The following STAT5B variants were observed in gnomAD, a reference collection of about 807,000 sequenced individuals.
The protein encoded by STAT5B is signal transducer and activator of transcription 5B, also known as transcription factor STAT5B.
A neutral mutation model predicts 107.8 loss-of-function variants in STAT5B; 21 were observed. The ratio of observed to expected loss-of-function variants is 0.19; its 90% CI spans 0.14 to 0.28. The LOEUF is 0.28. Among genes scored for constraint, STAT5B ranks in the 10% least tolerant of loss-of-function variants. The pLI, the probability that STAT5B is intolerant of heterozygous loss-of-function variation, is 1.00. For synonymous variants in STAT5B, 325 were observed against 401.7 expected, an observed-to-expected ratio of 0.81 and a Z score of 2.28; for missense variants, 565 against 1,008.2, an observed-to-expected ratio of 0.56 and a Z score of 5.95.
chr17:42,260,560 C>A (rs1290271798), intron 1 of STAT5B, among the ~76,000 whole-genome samples: 2 of 151,934 alleles, frequency 1.3e-5, no homozygotes, highest in Non-Finnish European at 2.9e-5. Context: ...AGGTGCACAT[C>A]ACCATGCCTA....
chr17:42,213,813 G>A (rs2080149122), intron 12 of STAT5B, among the ~76,000 whole-genome samples: 1 of 150,144 alleles, frequency 6.7e-6, no homozygotes, highest in Non-Finnish European at 1.5e-5. Context: ...ACAGGTGTGA[G>A]CCACCGTGCC....
intron 9 of STAT5B, chr17:42,217,947 C>A: frequency 1.3e-6 from 1 of 793,274 alleles, no homozygotes. Context: ...CTCAGGTGAT[C>A]TGCCCACCTC....
chr17:42,233,007 A>G (rs1019922863), intron 1 of STAT5B, among the ~76,000 whole-genome samples: 14 of 151,852 alleles, frequency 9.2e-5, no homozygotes, highest in African/African-American at 3.4e-4. Context: ...GCACCCAGCT[A>G]ATTTTTGTAT....
rs373036522 is a variant in STAT5B, at chr17:42,212,113, G to T, written c.1551C>A (p.Ala517=). ...TCAGGCCCCGGTTGCTCTGCACTTC[G>T]GCCTTGAATTTCATGTTGAGCGCCT... The part of the protein sequence containing the change: ...LCEALNMKFK[A]EVQSNRGLTK... The change falls in exon 13 of 19, where the codon GCC becomes GCA. Residue 517 remains alanine (A), a synonymous_variant. Coordinates refer to ENST00000293328, the MANE Select transcript of STAT5B (RefSeq NM_012448.4). 7 of 1,614,082 alleles carry T rather than the reference G, an allele frequency of 4.3e-6. No homozygotes were observed. The highest frequency in any genetic ancestry group is 5.1e-6 in the Non-Finnish European group (6 of 1,180,008).
In STAT5B at chr17:42,232,002, T is replaced by C; in HGVS notation, c.126A>G (p.Ala42=). Residue 42 remains alanine (A), a splice_region_variant and synonymous_variant, in exon 2 of 19, where the codon GCA becomes GCG. Coordinates refer to ENST00000293328, the MANE Select transcript of STAT5B (RefSeq NM_012448.4). ...HYLSQWIESQ[A]WDSVDLDNPQ... is the part of the protein sequence containing the mutation. ...TGCAAACATCCTTGTTCACCTACCATGCTTGGCTTTCAATCCACTGGGATA... is the reference window on the plus strand; with the variant it reads ...TGCAAACATCCTTGTTCACCTACCACGCTTGGCTTTCAATCCACTGGGATA... The C allele has an allele frequency of 6.2e-7, 1 of 1,613,912 alleles. No homozygotes were observed. Among genetic ancestry groups the C allele is most frequent in the Non-Finnish European group, 8.5e-7 (1 of 1,179,844 alleles).
rs867702874 is a variant in STAT5B at position 42,265,403 on chromosome 17, G to A, written c.-11+10845C>T. Among the ~76,000 whole-genome samples the A allele has an allele frequency of 1.1e-3, 83 of 77,224 alleles. 1 individual carries two copies. The highest frequency in any genetic ancestry group is 2.6e-3 in the South Asian group (5 of 1,902). 50.7% of individuals were successfully genotyped at this position (77,224 alleles called of 152,430 possible). On this transcript the variant is annotated intron_variant, in intron 1 of 18. Transcript: ENST00000293328. ...TTTTTTTTTTTTGAGACGAAGTCTCGCTCTGTCACCAGGCTGGAGTGCAGT... is the reference window on the plus strand; with the variant it reads ...TTTTTTTTTTTTGAGACGAAGTCTCACTCTGTCACCAGGCTGGAGTGCAGT...
At chr17:42,277,496 G>A (rs765767648), upstream of STAT5B, among the ~76,000 whole-genome samples, 53 of 152,214 alleles carry the variant, frequency 3.5e-4, no homozygotes, top group Non-Finnish European at 6.0e-4. Context: ...AGCCACAAAG[G>A]TCTCCAGCTG....
intron 1 of STAT5B, among the ~76,000 whole-genome samples, chr17:42,252,269 G>A (rs573745874): frequency 6.6e-6 from 1 of 152,246 alleles, no homozygotes; most frequent in Non-Finnish European, 1.5e-5. Context: ...GGTAGAAATA[G>A]AATCAGTACA....
chr17:42,246,423 T>A (rs1234541040), intron 1 of STAT5B, among the ~76,000 whole-genome samples: 2 of 152,162 alleles, frequency 1.3e-5, no homozygotes, highest in Admixed American at 1.3e-4. Context: ...AAAATGCAAT[T>A]CTTTCACTTT....
intron 1 of STAT5B, among the ~76,000 whole-genome samples, chr17:42,236,414 A>G (rs919520419): frequency 6.6e-6 from 1 of 152,236 alleles, no homozygotes; most frequent in Admixed American, 6.5e-5. Context: ...AGTTACGTGA[A>G]TAACACCTAG....
At position 42,217,148 on chromosome 17, in the gene STAT5B, G is replaced by A. The variant is rs2080178855; in HGVS notation, c.1380+12C>T. The A allele has an allele frequency of 6.2e-7, 1 of 1,608,698 alleles. No homozygotes were observed. ...ACGCACACGCACACGCAGAGCTGAG[G>A]GAAGGCTTTACCTTGACTTGAAAAA... On this transcript the variant is annotated intron_variant, in intron 11 of 18. Transcript: ENST00000293328.
intron 1 of STAT5B, among the ~76,000 whole-genome samples, chr17:42,250,447 G>A (rs1390725034): frequency 6.6e-6 from 1 of 152,118 alleles, no homozygotes; most frequent in Non-Finnish European, 1.5e-5. Flanking sequence ...TCATTTCCAA[G>A]CCCTTCCTAT....
intron 5 of STAT5B, among the ~76,000 whole-genome samples, chr17:42,220,171 G>T (rs1375951287): frequency 6.6e-6 from 1 of 152,186 alleles, no homozygotes; most frequent in African/African-American, 2.4e-5. Context: ...CATGGGTCCA[G>T]GCTGTCTGGG....
chr17:42,214,876 C>A (rs950263022), intron 12 of STAT5B, among the ~76,000 whole-genome samples: 6 of 152,280 alleles, frequency 3.9e-5, no homozygotes, highest in African/African-American at 1.4e-4. Context: ...CAGCCCCCCC[C>A]AAGTAGCTGG....
the STAT5B span, among the ~76,000 whole-genome samples, chr17:42,283,785 A>G: frequency 6.6e-6 from 1 of 152,110 alleles, no homozygotes; most frequent in Non-Finnish European, 1.5e-5. Flanking sequence ...CTTCTTGGAC[A>G]AGAATGGGGG....
In STAT5B at chr17:42,219,013, C is replaced by A. The variant is rs1394160732; in HGVS notation, c.834-135G>T. ...CTTCCCACCCATGGGAAGAGCAGAG[C>A]TCCCTGCCTCCCAGAATTAGAGACG... On this transcript the variant is annotated intron_variant, in intron 7 of 18. Transcript: ENST00000293328. 2.1e-4 allele frequency: 162 copies of A among 787,824 alleles called. 1 individual carries two copies. The East Asian group carries it at 4.2e-3, about 21-fold the overall frequency. 48.8% of individuals were successfully genotyped at this position (787,824 alleles called of 1,614,324 possible). A position where few individuals can be genotyped will look rare whatever the true frequency, so the allele number is the denominator to read the frequency against.
intron 17 of STAT5B, 85 bp from the exon 18 acceptor site, chr17:42,202,532 T>A: frequency 2.0e-6 from 3 of 1,521,442 alleles, no homozygotes; most frequent in Non-Finnish European, 1.8e-6. Context: ...TATCTTTGTC[T>A]TTCTCAGGGT....
Position 42,201,193 on chromosome 17 carries a change from G to A in STAT5B, c.*545C>T, listed in dbSNP as rs2080040741. On this transcript the variant is annotated 3_prime_UTR_variant, in exon 19 of 19. Transcript: ENST00000293328. ...CCTACCCAAGAACACAGGGGTGGGG[G>A]AGAGGGAAGGCTCTCTTTGTCAAAA... is the stretch of plus-strand genomic sequence containing the variant. 8 of 414,790 alleles carry A rather than the reference G, an allele frequency of 1.9e-5. No individual in the cohort carries two copies. The highest frequency in any genetic ancestry group is 3.4e-5 in the Non-Finnish European group (8 of 235,350). The allele number at this position is 414,790 out of a possible 1,614,324, so 25.7% of individuals were successfully genotyped here. A position where few individuals can be genotyped will look rare whatever the true frequency, so the allele number is the denominator to read the frequency against.
intron 1 of STAT5B, chr17:42,272,472 AT>A (rs1034463969): frequency 2.6e-5 from 4 of 152,008 alleles, no homozygotes; most frequent in African/African-American, 9.7e-5. Flanking sequence ...CAGCACCTCC[AT>A]TTTTCTGTAA....
Sources: allele counts gnomAD v4.1 joint callset (sites outside exome capture counted in the v4.1 genomes callset), GRCh38; gene constraint gnomAD v4.1.1; transcripts MANE v1.5; gene names NCBI Gene and HGNC (gene_info 2026-07-23, HGNC 2026-07-21).